The following SLIT2 variants were observed in gnomAD, a reference collection of about 807,000 sequenced individuals.
The protein encoded by SLIT2 is slit guidance ligand 2.
A neutral mutation model predicts 185.7 loss-of-function variants in SLIT2; 41 were observed. That is an observed-to-expected ratio of 0.22 (90% CI 0.17 to 0.29). The LOEUF (loss-of-function observed/expected upper bound fraction) is 0.29. Ranked by LOEUF, SLIT2 falls within the 10% of genes least tolerant of loss-of-function variation. SLIT2 has a pLI of 1.00. For missense variants in SLIT2, 1,571 were observed against 1,909.0 expected (o/e 0.82, Z 3.30); for synonymous variants, 693 against 680.2 (o/e 1.02, Z -0.29).
intron 33 of SLIT2, among the ~76,000 whole-genome samples, chr4:20,607,018 G>A (rs1427649931): frequency 1.3e-5 from 2 of 152,162 alleles, no homozygotes; most frequent in Non-Finnish European, 2.9e-5. Context: ...CTTCAGAACT[G>A]TTTAGCCACT....
At chr4:20,611,748 T>C (rs1469755322) in intron 34 of SLIT2, among the ~76,000 whole-genome samples, 1 of 152,248 alleles carries the variant, frequency 6.6e-6, no homozygotes, top group Non-Finnish European at 1.5e-5. Context: ...GCTCCTTTTA[T>C]AGCCTTAATG....
At position 20,288,950 on chromosome 4, in the gene SLIT2, A is replaced by G. The variant is rs146946422; in HGVS notation, c.395+20069A>G. On this transcript the variant is annotated intron_variant, in intron 4 of 36. Coordinates refer to ENST00000504154, the MANE Select transcript of SLIT2 (RefSeq NM_004787.4). ...GATGGACTTCAAGTCTCTGTTTTCA[A>G]TTGAATTGAACCAACTTAGGTGAAG... Among the ~76,000 whole-genome samples the G allele has an allele frequency of 9.7e-4, 148 of 152,338 alleles. 2 individuals carry two copies. Among genetic ancestry groups the G allele is most frequent in the Admixed American group, 7.1e-3 (109 of 15,298 alleles).
chr4:20,598,294 C>G lies in SLIT2; in HGVS notation c.3591C>G (p.Leu1197=), dbSNP rs1218967258. ...QIATDEDSGI[L]LYKGDKDHIA... is the part of the protein sequence containing the mutation. Reference sequence around the variant, plus strand: ...CCACAGATGAAGACAGCGGAATCCTCCTGTATAAGGGTGACAAAGACCATA... The same window carrying G: ...CCACAGATGAAGACAGCGGAATCCTGCTGTATAAGGGTGACAAAGACCATA... Residue 1197 remains leucine, a synonymous_variant, in exon 33 of 37, where the codon CTC becomes CTG. Transcript: ENST00000504154. The G allele has an allele frequency of 3.7e-6, 6 of 1,613,918 alleles. No individual in the cohort carries two copies. The East Asian group carries it at 1.1e-4, about 30-fold the overall frequency.
chr4:20,520,386 A>C (rs1577844200), intron 12 of SLIT2, among the ~76,000 whole-genome samples: 1 of 152,342 alleles, frequency 6.6e-6, no homozygotes, highest in South Asian at 2.1e-4. Flanking sequence ...AATTCTATTC[A>C]TATCATCAGA....
chr4:20,367,472 A>G (rs1274348036), intron 4 of SLIT2, among the ~76,000 whole-genome samples: 1 of 152,152 alleles, frequency 6.6e-6, no homozygotes, highest in Non-Finnish European at 1.5e-5. Flanking sequence ...GAATTCATAT[A>G]TTTAGCCTCA....
chr4:20,523,981 A>G, intron 13 of SLIT2, 33 bp from the exon 14 acceptor site: 1 of 1,613,196 alleles, frequency 6.2e-7, no homozygotes, highest in Admixed American at 1.7e-5. Flanking sequence ...ATTGCAAGTC[A>G]TCTATAAAAC....
At chr4:20,538,202 C>T (rs868689397) in intron 18 of SLIT2, among the ~76,000 whole-genome samples, 42 of 152,116 alleles carry the variant, frequency 2.8e-4, no homozygotes, top group Admixed American at 7.9e-4. Flanking sequence ...CCTCGTGATC[C>T]GCCCGCCTCG....
chr4:20,354,871 C>T (rs914504116), intron 4 of SLIT2, among the ~76,000 whole-genome samples: 10 of 143,712 alleles, frequency 7.0e-5, no homozygotes, highest in Admixed American at 1.4e-4. Context: ...AAAATGGACA[C>T]GTGTGGCAAG....
intron 4 of SLIT2, among the ~76,000 whole-genome samples, chr4:20,465,776 C>T (rs192302184): frequency 1.4e-4 from 21 of 152,236 alleles, no homozygotes; most frequent in South Asian, 4.1e-4. Flanking sequence ...CCTGACTTTC[C>T]GCCCAGCCCA....
chr4:20,537,731 C>T (rs568808142), intron 18 of SLIT2, among the ~76,000 whole-genome samples: 2 of 152,236 alleles, frequency 1.3e-5, no homozygotes, highest in African/African-American at 4.8e-5. Flanking sequence ...ATAGTTTTAT[C>T]TGAACATACC....
chr4:20,502,148 T>C, intron 9 of SLIT2, among the ~76,000 whole-genome samples: 1 of 152,198 alleles, frequency 6.6e-6, no homozygotes, highest in East Asian at 1.9e-4. Flanking sequence ...AAGAAAAATG[T>C]AGAAGATAGA....
At chr4:20,527,830 G>A (rs1306470075) in intron 15 of SLIT2, among the ~76,000 whole-genome samples, 1 of 151,874 alleles carries the variant, frequency 6.6e-6, no homozygotes, top group East Asian at 1.9e-4. Flanking sequence ...TTCCTTCTTG[G>A]TGATCTTTAC....
intron 4 of SLIT2, among the ~76,000 whole-genome samples, chr4:20,370,982 A>G (rs183301458): frequency 8.5e-4 from 129 of 152,216 alleles, no homozygotes; most frequent in Admixed American, 1.6e-3. Context: ...TGAATTGATC[A>G]TCGTATCCCC....
chr4:20,569,372 ATAAT>A (rs1375536208), intron 29 of SLIT2: 1 of 224,158 alleles, frequency 4.5e-6, no homozygotes, highest in Non-Finnish European at 8.9e-6. Flanking sequence ...TAGCCAAAAC[ATAAT>A]TAAGCTTTTG....
At chr4:20,531,701 A>C (rs1287671472) in intron 16 of SLIT2, among the ~76,000 whole-genome samples, 3 of 152,014 alleles carry the variant, frequency 2.0e-5, no homozygotes, top group Non-Finnish European at 2.9e-5. Flanking sequence ...ACGATAGTGG[A>C]AAAAATTAGA....
chr4:20,472,316 A>ATC (rs1715251369), intron 5 of SLIT2, among the ~76,000 whole-genome samples: 5 of 15,160 alleles, frequency 3.3e-4, no homozygotes, highest in African/African-American at 1.4e-3. Context: ...CTATATATAG[A>ATC]TATATATATC....
At position 20,539,413 on chromosome 4, in the gene SLIT2, C is replaced by T. The variant is rs571029531; in HGVS notation, c.1833-28C>T. ...AATTGATTGCCTGATGCTTTGTCTC[C>T]ATAACAATGTCCTTTTTTTCCCCTC... On this transcript the variant is annotated intron_variant, in intron 18 of 36. Coordinates refer to ENST00000504154, the MANE Select transcript of SLIT2 (RefSeq NM_004787.4). 1.1e-5 allele frequency: 17 copies of T among 1,602,606 alleles called. No homozygotes were observed. In the South Asian group the frequency reaches 1.8e-4, roughly 17 times the overall value.
intron 4 of SLIT2, among the ~76,000 whole-genome samples, chr4:20,438,610 G>T (rs1392970318): frequency 2.6e-5 from 4 of 152,144 alleles, no homozygotes; most frequent in Non-Finnish European, 5.9e-5. Flanking sequence ...CCTTCAAGCA[G>T]CCTACTGGCT....
At chr4:20,262,656 C>G (rs1712601255) in intron 3 of SLIT2, among the ~76,000 whole-genome samples, 1 of 151,818 alleles carries the variant, frequency 6.6e-6, no homozygotes, top group Non-Finnish European at 1.5e-5. Context: ...ACATCAAACT[C>G]TAACAGAGGC....
Sources: allele counts gnomAD v4.1 joint callset (sites outside exome capture counted in the v4.1 genomes callset), GRCh38; gene constraint gnomAD v4.1.1; transcripts MANE v1.5; gene names NCBI Gene and HGNC (gene_info 2026-07-23, HGNC 2026-07-21).